Variants in PHLPP1 observed in about 807,000 individuals in gnomAD.
PHLPP1 encodes PH domain and leucine rich repeat protein phosphatase 1.
Under a neutral mutation model 117.2 loss-of-function variants are expected in PHLPP1, and 42 were observed. The ratio of observed to expected loss-of-function variants is 0.36; its 90% CI spans 0.28 to 0.46. The LOEUF (loss-of-function observed/expected upper bound fraction) is 0.46. Among genes scored for constraint, PHLPP1 ranks in the 20% least tolerant of loss-of-function variants. PHLPP1 has a pLI of 1.00. For missense variants in PHLPP1, 2,084 were observed against 2,241.9 expected (o/e 0.93, Z 1.42); for synonymous variants, 1,042 against 970.7 (o/e 1.07, Z -1.37).
chr18:62,754,209 C>A (rs1323527164), intron 1 of PHLPP1, among the ~76,000 whole-genome samples: 1 of 152,192 alleles, frequency 6.6e-6, no homozygotes, highest in East Asian at 1.9e-4. Flanking sequence ...GAATTCTTTT[C>A]ATCTTTGTGC....
At chr18:62,829,066 T>G (rs1380415968) in intron 1 of PHLPP1, among the ~76,000 whole-genome samples, 1 of 152,250 alleles carries the variant, frequency 6.6e-6, no homozygotes, top group Non-Finnish European at 1.5e-5. Flanking sequence ...TGAAGACTCT[T>G]CAGACCTTTC....
At chr18:62,963,262 A>G in intron 13 of PHLPP1, 106 bp from the exon 14 acceptor site, 3 of 677,738 alleles carry the variant, frequency 4.4e-6, no homozygotes, top group Non-Finnish European at 7.7e-6. Context: ...AGAAATGGTA[A>G]GTACAGAGTG....
At chr18:62,900,301 TAATAAATAAATAAATA>T (rs142418645) in intron 6 of PHLPP1, among the ~76,000 whole-genome samples, 15,489 of 144,650 alleles carry the variant, frequency 0.11, 990 homozygotes, top group African/African-American at 0.15. Context: ...TGCCTTAAAA[TAATAAATAAATAAATA>T]AATAAATAAA....
intron 1 of PHLPP1, among the ~76,000 whole-genome samples, chr18:62,797,556 G>C (rs1265520819): frequency 2.0e-5 from 3 of 152,176 alleles, no homozygotes; most frequent in Non-Finnish European, 4.4e-5. Context: ...GGTCAGGGCA[G>C]GCCTTGCTTT....
chr18:62,971,459 T>C lies in PHLPP1; in HGVS notation c.3561-1055T>C, dbSNP rs148625037. ...GGAAACAGTTTGATTCTTTTGAGTT[T>C]GGAGTGGAGACAGTCTCCAAACTTT... On this transcript the variant is annotated intron_variant, in intron 14 of 16. Coordinates refer to ENST00000262719, the MANE Select transcript of PHLPP1 (RefSeq NM_194449.4). Among the ~76,000 whole-genome samples, 175 of 152,126 alleles carry C rather than the reference T, an allele frequency of 1.2e-3. 1 individual carries two copies. Among genetic ancestry groups the C allele is most frequent in the Admixed American group, 5.6e-3 (85 of 15,264 alleles).
chr18:62,945,121 A>G lies in PHLPP1; in HGVS notation c.3174A>G (p.Lys1058=). 6.3e-7 allele frequency: 1 copy of G among 1,585,272 alleles called. No individual in the cohort carries two copies. Among genetic ancestry groups the G allele is most frequent in the Non-Finnish European group, 8.5e-7 (1 of 1,170,278 alleles). ...LQSFPASKMA[K]LEELEEIDLS... is the part of the protein sequence containing the mutation. Reference sequence around the variant, plus strand: ...TCTCTTTTTTTAGTAAAATGGCGAAACTGGAGGAACTTGAAGAAATTGATC... The same window carrying G: ...TCTCTTTTTTTAGTAAAATGGCGAAGCTGGAGGAACTTGAAGAAATTGATC... Residue 1058 remains lysine, a synonymous_variant, in exon 12 of 17, where the codon AAA becomes AAG. Coordinates refer to ENST00000262719, the MANE Select transcript of PHLPP1 (RefSeq NM_194449.4).
intron 1 of PHLPP1, among the ~76,000 whole-genome samples, chr18:62,823,992 C>T (rs1254723978): frequency 6.6e-6 from 1 of 151,958 alleles, no homozygotes; most frequent in Non-Finnish European, 1.5e-5. Flanking sequence ...ATTAGCCAGG[C>T]GTGGTGGCGG....
intron 1 of PHLPP1, among the ~76,000 whole-genome samples, chr18:62,786,834 A>G (rs752476654): frequency 2.3e-4 from 35 of 152,174 alleles, no homozygotes; most frequent in Non-Finnish European, 4.9e-4. Context: ...CATTTTTTGC[A>G]ATGGTTTGTG....
intron 4 of PHLPP1, among the ~76,000 whole-genome samples, chr18:62,891,226 T>C (rs781489138): frequency 3.3e-5 from 5 of 152,198 alleles, no homozygotes; most frequent in Non-Finnish European, 7.3e-5. Context: ...TCTCAAATAT[T>C]GAGGACCTTA....
At chr18:62,830,713 G>A (rs897832282) in intron 2 of PHLPP1, among the ~76,000 whole-genome samples, 14 of 152,140 alleles carry the variant, frequency 9.2e-5, no homozygotes, top group Non-Finnish European at 4.4e-5. Context: ...ATTGGCTCAT[G>A]TGAGGCCTTG....
At chr18:62,748,538 G>T (rs151109824) in intron 1 of PHLPP1, among the ~76,000 whole-genome samples, 1 of 152,136 alleles carries the variant, frequency 6.6e-6, no homozygotes, top group African/African-American at 2.4e-5. Flanking sequence ...GAGCCACCAC[G>T]CCCCGCCCAA....
At chr18:62,734,547 G>A (rs553658221) in intron 1 of PHLPP1, among the ~76,000 whole-genome samples, 1 of 152,238 alleles carries the variant, frequency 6.6e-6, no homozygotes, top group African/African-American at 2.4e-5. Flanking sequence ...TAGTAATGTG[G>A]ATGACAACAC....
At chr18:62,965,398 A>G (rs1910872335) in intron 14 of PHLPP1, among the ~76,000 whole-genome samples, 1 of 142,386 alleles carries the variant, frequency 7.0e-6, no homozygotes, top group Non-Finnish European at 1.5e-5. Context: ...CTGTCAGGTC[A>G]TTTCAGATCC....
At chr18:62,834,626 A>T (rs1030151356) in intron 2 of PHLPP1, among the ~76,000 whole-genome samples, 12 of 152,202 alleles carry the variant, frequency 7.9e-5, no homozygotes, top group Non-Finnish European at 1.8e-4. Flanking sequence ...TTGCATTCAC[A>T]TCAGTGTACA....
chr18:62,801,590 C>T (rs1212272192), intron 1 of PHLPP1, among the ~76,000 whole-genome samples: 1 of 151,836 alleles, frequency 6.6e-6, no homozygotes, highest in African/African-American at 2.4e-5. Flanking sequence ...GTAGCTGAGA[C>T]TACAGGCATG....
chr18:62,936,852 A>G (rs1285656363), intron 10 of PHLPP1, among the ~76,000 whole-genome samples: 1 of 152,234 alleles, frequency 6.6e-6, no homozygotes, highest in Non-Finnish European at 1.5e-5. Flanking sequence ...TTGTGAAGAT[A>G]GATGGAACTG....
intron 1 of PHLPP1, among the ~76,000 whole-genome samples, chr18:62,789,959 G>C (rs1405711293): frequency 1.3e-5 from 2 of 152,088 alleles, no homozygotes; most frequent in Non-Finnish European, 2.9e-5. Context: ...GTGTGTCTAA[G>C]TATACTTATT....
chr18:62,734,393 A>G (rs1779576145), intron 1 of PHLPP1, among the ~76,000 whole-genome samples: 2 of 152,244 alleles, frequency 1.3e-5, no homozygotes, highest in Admixed American at 6.5e-5. Context: ...CAGCATTCAT[A>G]TAAGCATAAA....
In PHLPP1 at chr18:62,747,821, AT is replaced by A. The variant is rs892471161; in HGVS notation, c.1576+30570del. Among the ~76,000 whole-genome samples, 3 of 151,850 alleles carry A rather than the reference AT, an allele frequency of 2.0e-5. 1 individual carries two copies. The Middle Eastern group carries it at 0.01, about 516-fold the overall frequency. On this transcript the variant is annotated intron_variant, in intron 1 of 16. Transcript: ENST00000262719. ...AGGTGTGAGCTACTGTACCTGGCTG[AT>A]TTTTTTTCTTTTATTTCATGAATTG...
Sources: gnomAD v4.1 joint callset for allele counts (sites outside exome capture counted in the v4.1 genomes callset) on GRCh38, gnomAD v4.1.1 for gene constraint, MANE v1.5 for transcripts, NCBI Gene and HGNC (gene_info 2026-07-23, HGNC 2026-07-21) for gene names.